Variants in KIAA1217 observed in about 807,000 individuals in gnomAD.
The protein encoded by KIAA1217 is sickle tail protein homolog.
Under a neutral mutation model 163.9 loss-of-function variants are expected in KIAA1217, and 88 were observed. The ratio of observed to expected loss-of-function variants is 0.54; its 90% CI spans 0.45 to 0.64. KIAA1217 has a LOEUF of 0.64. Ranked by LOEUF, KIAA1217 falls within the 30% of genes least tolerant of loss-of-function variation. KIAA1217 has a pLI of 0.00. For synonymous variants in KIAA1217, 903 were observed against 923.1 expected, an observed-to-expected ratio of 0.98 and a Z score of 0.39; for missense variants, 2,372 against 2,475.0, an observed-to-expected ratio of 0.96 and a Z score of 0.88.
intron 1 of KIAA1217, among the ~76,000 whole-genome samples, chr10:23,918,192 C>T (rs1001428802): frequency 1.4e-5 from 2 of 141,134 alleles, no homozygotes; most frequent in African/African-American, 2.7e-5. Flanking sequence ...GGTCTTGCTT[C>T]ATTCCCCAGG....
At chr10:24,359,251 A>C (rs1005189859) in intron 2 of KIAA1217, among the ~76,000 whole-genome samples, 1 of 151,374 alleles carries the variant, frequency 6.6e-6, no homozygotes, top group South Asian at 2.1e-4. Context: ...CACAAAACCC[A>C]ATTAATTTTT....
At chr10:23,760,858 A>T (rs1396771661) in intron 1 of KIAA1217, among the ~76,000 whole-genome samples, 1 of 152,214 alleles carries the variant, frequency 6.6e-6, no homozygotes, top group Non-Finnish European at 1.5e-5. Flanking sequence ...TGAAAAAAAG[A>T]AAAGTTCAGA....
At chr10:24,368,854 G>A in intron 2 of KIAA1217, 1 of 984,640 alleles carries the variant, frequency 1.0e-6, no homozygotes, top group Non-Finnish European at 1.2e-6. Flanking sequence ...CCTAAGGAAA[G>A]CTAAATGGTT....
chr10:23,968,967 G>A (rs905269054), intron 1 of KIAA1217, among the ~76,000 whole-genome samples: 3 of 152,074 alleles, frequency 2.0e-5, no homozygotes, highest in East Asian at 1.9e-4. Context: ...TGGGTCTATC[G>A]TTTTTGTCTC....
intron 1 of KIAA1217, among the ~76,000 whole-genome samples, chr10:23,854,412 CT>C (rs1428664938): frequency 3.3e-5 from 5 of 152,142 alleles, no homozygotes; most frequent in Non-Finnish European, 7.4e-5. Flanking sequence ...TTTACATTTT[CT>C]GAGGAGTGCT....
chr10:24,042,391 T>C (rs1328090281), intron 2 of KIAA1217: 2 of 152,018 alleles, frequency 1.3e-5, no homozygotes, highest in East Asian at 3.9e-4. Context: ...AAAAACAGCT[T>C]AGGTGAGAAG....
intron 3 of KIAA1217, among the ~76,000 whole-genome samples, chr10:24,401,258 A>G (rs1176474320): frequency 6.6e-6 from 1 of 151,938 alleles, no homozygotes; most frequent in African/African-American, 2.4e-5. Context: ...AGCCTACTTT[A>G]AGATAAACAA....
chr10:23,966,199 A>G (rs1426035564), intron 1 of KIAA1217, among the ~76,000 whole-genome samples: 4 of 152,172 alleles, frequency 2.6e-5, no homozygotes, highest in African/African-American at 4.8e-5. Flanking sequence ...CCACATTTTC[A>G]TTCTCCCCTG....
chr10:23,930,724 A>G (rs1250774508), intron 1 of KIAA1217, among the ~76,000 whole-genome samples: 3 of 152,222 alleles, frequency 2.0e-5, no homozygotes, highest in African/African-American at 4.8e-5. Context: ...AAGACATTGG[A>G]GGACATTCTC....
At chr10:24,477,776 G>A (rs1310621754) in intron 6 of KIAA1217, among the ~76,000 whole-genome samples, 2 of 152,090 alleles carry the variant, frequency 1.3e-5, no homozygotes, top group African/African-American at 4.8e-5. Context: ...ATGCATCTGA[G>A]TACTATGTCA....
At chr10:24,254,013 G>A (rs765756449) in intron 2 of KIAA1217, among the ~76,000 whole-genome samples, 26 of 152,292 alleles carry the variant, frequency 1.7e-4, no homozygotes, top group East Asian at 3.9e-4. Flanking sequence ...AACAGGATAC[G>A]TGTGTCATGC....
chr10:23,871,117 C>G (rs1420665705), intron 1 of KIAA1217, among the ~76,000 whole-genome samples: 1 of 151,650 alleles, frequency 6.6e-6, no homozygotes, highest in Non-Finnish European at 1.5e-5. Flanking sequence ...TGAAACACTC[C>G]CAGAGTTGTT....
intron 2 of KIAA1217, among the ~76,000 whole-genome samples, chr10:24,312,837 A>G (rs1313129730): frequency 1.3e-5 from 2 of 151,808 alleles, no homozygotes; most frequent in Non-Finnish European, 2.9e-5. Context: ...ATCACTTGAG[A>G]CTGAGGAGGT....
At chr10:24,102,673 G>T (rs1188956282) in intron 2 of KIAA1217, among the ~76,000 whole-genome samples, 3 of 152,180 alleles carry the variant, frequency 2.0e-5, no homozygotes, top group South Asian at 4.1e-4. Flanking sequence ...AGATAATGTG[G>T]TATTAGTGAA....
chr10:23,818,345 T>A (rs76911833), intron 1 of KIAA1217, among the ~76,000 whole-genome samples: 1,869 of 134,774 alleles, frequency 0.014, 44 homozygotes, highest in African/African-American at 0.043. Flanking sequence ...TATATATATA[T>A]AAAAAAATAT....
chr10:24,404,125 T>C (rs1254257648), intron 3 of KIAA1217, among the ~76,000 whole-genome samples: 3 of 152,118 alleles, frequency 2.0e-5, no homozygotes, highest in Non-Finnish European at 4.4e-5. Context: ...GCCCAGCTAA[T>C]TTTTTGTATT....
At chr10:24,370,157 C>T (rs565277563) in intron 2 of KIAA1217, among the ~76,000 whole-genome samples, 1 of 149,680 alleles carries the variant, frequency 6.7e-6, no homozygotes, top group Non-Finnish European at 1.5e-5. Context: ...CCCAGCTACT[C>T]GGGAGGCTGA....
At chr10:24,209,353 G>C in intron 1 of KIAA1217, 90 bp downstream of exon 1, 1 of 872,950 alleles carries the variant, frequency 1.1e-6, no homozygotes, top group Non-Finnish European at 1.7e-6. Context: ...TCTGGGACCC[G>C]GCAAAGGAAA....
At chr10:24,206,220 C>T (rs1269119052), upstream of KIAA1217, among the ~76,000 whole-genome samples, 1 of 152,190 alleles carries the variant, frequency 6.6e-6, no homozygotes, top group Non-Finnish European at 1.5e-5. Flanking sequence ...TCAAGTTCTT[C>T]CCGCTTTCCT....
Sources: gnomAD v4.1 joint callset for allele counts (sites outside exome capture counted in the v4.1 genomes callset) on GRCh38, gnomAD v4.1.1 for gene constraint, MANE v1.5 for transcripts, NCBI Gene and HGNC (gene_info 2026-07-23, HGNC 2026-07-21) for gene names.